Variants in GABRB2 observed in about 807,000 individuals in gnomAD.
GABRB2 encodes gamma-aminobutyric acid receptor subunit beta-2.
GABRB2 carries 16 observed loss-of-function variants against 54.7 expected under a neutral mutation model. The ratio of observed to expected loss-of-function variants is 0.29; its 90% CI spans 0.20 to 0.44. GABRB2 has a LOEUF of 0.44. Ranked by LOEUF, GABRB2 falls within the 20% of genes least tolerant of loss-of-function variation. The probability of loss-of-function intolerance (pLI) is 1.00; values close to 1 mark genes in which losing one functional copy is unlikely to be tolerated. For synonymous variants in GABRB2, 244 were observed against 233.8 expected (o/e 1.04, Z -0.40); for missense variants, 355 against 644.0 (o/e 0.55, Z 4.86).
At chr5:161,522,106 G>T (rs967993237) in intron 3 of GABRB2, among the ~76,000 whole-genome samples, 2 of 151,760 alleles carry the variant, frequency 1.3e-5, no homozygotes, top group Non-Finnish European at 3.0e-5. Context: ...TCAGTAAGAA[G>T]GGTGTCATTT....
At chr5:161,319,761 G>T (rs532988264) in intron 9 of GABRB2, among the ~76,000 whole-genome samples, 7 of 151,830 alleles carry the variant, frequency 4.6e-5, no homozygotes, top group Non-Finnish European at 8.9e-5. Flanking sequence ...GAATTTTCAT[G>T]TCTGATAGAA....
At chr5:161,460,291 T>A (rs1758083628) in intron 3 of GABRB2, among the ~76,000 whole-genome samples, 1 of 152,126 alleles carries the variant, frequency 6.6e-6, no homozygotes, top group African/African-American at 2.4e-5. Flanking sequence ...TGTGTGTGTG[T>A]GTGTGTGTGT....
intron 4 of GABRB2, among the ~76,000 whole-genome samples, chr5:161,442,681 A>G (rs1757501294): frequency 6.6e-6 from 1 of 152,190 alleles, no homozygotes; most frequent in Non-Finnish European, 1.5e-5. Context: ...CAGGTTGCAA[A>G]GAATTCCCAG....
In GABRB2 at chr5:161,546,331, C is replaced by T; in HGVS notation, c.160G>A (p.Asp54Asn). 1 of 1,614,134 alleles carries T rather than the reference C, an allele frequency of 6.2e-7. No homozygotes were observed. Among genetic ancestry groups the T allele is most frequent in the Non-Finnish European group, 8.5e-7 (1 of 1,179,948 alleles). The change falls in exon 2 of 10, where the codon GAT becomes AAT. Residue 54 changes from aspartate (D) to asparagine (N), a missense_variant. Physicochemically the swap from Asp to Asn is conservative, Grantham distance 23. Around this residue, in one of 6 missense-constraint regions of GABRB2, gnomAD observed 42 missense variants for 99.7 expected, o/e 0.42. Transcript: ENST00000393959. ...LKGYDIRLRP[D>N]FGGPPVAVGM... ...AAGGCAACCCCATTACCTCCAAAAT[C>T]TGGTCTCAGACGAATGTCATAGCCT...
At chr5:161,497,535 T>TGTGTGC (rs1278980638) in intron 3 of GABRB2, among the ~76,000 whole-genome samples, 1 of 149,004 alleles carries the variant, frequency 6.7e-6, no homozygotes, top group Non-Finnish European at 1.5e-5. Context: ...TGTATATGTG[T>TGTGTGC]GTGTGTGTGT....
chr5:161,290,700 T>A lies in GABRB2; in HGVS notation c.*3381A>T, dbSNP rs991736024. ...GTAAGACCTATTTTGATGATGTTGCTTTGCCATTTTTCTTGTTGAGTATGA... is the reference window on the plus strand; with the variant it reads ...GTAAGACCTATTTTGATGATGTTGCATTGCCATTTTTCTTGTTGAGTATGA... On this transcript the variant is annotated 3_prime_UTR_variant, in exon 10 of 10. Coordinates refer to ENST00000393959, the MANE Select transcript of GABRB2 (RefSeq NM_001371727.1). The A allele has an allele frequency of 6.6e-6, 1 of 152,604 alleles. No individual in the cohort carries two copies. Among genetic ancestry groups the A allele is most frequent in the African/African-American group, 2.4e-5 (1 of 41,460 alleles). The allele number at this position is 152,604 out of a possible 1,614,324, so 9.5% of individuals were successfully genotyped here.
intron 3 of GABRB2, among the ~76,000 whole-genome samples, chr5:161,464,031 G>A (rs180802694): frequency 9.2e-5 from 14 of 151,886 alleles, no homozygotes; most frequent in African/African-American, 2.9e-4. Context: ...TCTGACTTTC[G>A]CTTCAGCAAA....
chr5:161,509,891 A>G (rs1271333838), intron 3 of GABRB2, among the ~76,000 whole-genome samples: 3 of 151,930 alleles, frequency 2.0e-5, no homozygotes, highest in Non-Finnish European at 4.4e-5. Context: ...TTTCTATAAC[A>G]TTAATCTATA....
chr5:161,475,046 G>C (rs1354901314), intron 3 of GABRB2, among the ~76,000 whole-genome samples: 1 of 151,882 alleles, frequency 6.6e-6, no homozygotes, highest in Non-Finnish European at 1.5e-5. Flanking sequence ...GAGGGAGAGG[G>C]TGCAATGAAA....
At chr5:161,480,069 A>C (rs751895642) in intron 3 of GABRB2, among the ~76,000 whole-genome samples, 8 of 151,948 alleles carry the variant, frequency 5.3e-5, no homozygotes, top group Admixed American at 1.3e-4. Context: ...TGCCACTACC[A>C]CTACCTCACT....
intron 4 of GABRB2, among the ~76,000 whole-genome samples, chr5:161,448,117 C>A (rs1212654050): frequency 6.6e-6 from 1 of 151,996 alleles, no homozygotes; most frequent in African/African-American, 2.4e-5. Context: ...TCTTGAATTA[C>A]AAAGTAAGAA....
chr5:161,408,485 G>T (rs1266330758), intron 5 of GABRB2, among the ~76,000 whole-genome samples: 1 of 151,912 alleles, frequency 6.6e-6, no homozygotes, highest in African/African-American at 2.4e-5. Context: ...ACAATTTAAT[G>T]AACAAATACA....
At chr5:161,489,443 T>C (rs555603182) in intron 3 of GABRB2, among the ~76,000 whole-genome samples, 21 of 151,824 alleles carry the variant, frequency 1.4e-4, no homozygotes, top group African/African-American at 4.1e-4. Flanking sequence ...TACCATCATC[T>C]TTCTTTCTTA....
At chr5:161,383,154 T>C (rs192781645) in intron 5 of GABRB2, among the ~76,000 whole-genome samples, 15 of 152,304 alleles carry the variant, frequency 9.8e-5, no homozygotes, top group Admixed American at 9.2e-4. Flanking sequence ...ATAATTATCA[T>C]AATCAAATTA....
chr5:161,322,367 C>G (rs1561606992), intron 9 of GABRB2, among the ~76,000 whole-genome samples: 1 of 152,128 alleles, frequency 6.6e-6, no homozygotes, highest in African/African-American at 2.4e-5. Context: ...TCCCTTGTAG[C>G]TGGGACTACA....
In GABRB2 at chr5:161,421,074, T is replaced by C. The variant is rs150214797; in HGVS notation, c.459-10017A>G. 3.3e-3 allele frequency among the ~76,000 whole-genome samples: 505 copies of C among 152,320 alleles called. 3 individuals carry two copies. The highest frequency in any genetic ancestry group is 0.011 in the African/African-American group (445 of 41,590). ...TTGGCCACTGCCTCATCCCCAGTTT[T>C]ATTTTCTTCATGATATTTGTCACCA... On this transcript the variant is annotated intron_variant, in intron 4 of 9. Transcript: ENST00000393959.
chr5:161,420,156 G>C (rs975164040), intron 4 of GABRB2, among the ~76,000 whole-genome samples: 1 of 151,598 alleles, frequency 6.6e-6, no homozygotes, highest in Admixed American at 6.6e-5. Flanking sequence ...ATTTTGATTT[G>C]TGACACATCA....
chr5:161,421,356 A>G (rs765806350), intron 4 of GABRB2, among the ~76,000 whole-genome samples: 1 of 152,220 alleles, frequency 6.6e-6, no homozygotes, highest in Non-Finnish European at 1.5e-5. Context: ...CGACCCCCAG[A>G]TAACTGAAAT....
At chr5:161,332,058 C>T (rs898489012) in intron 7 of GABRB2, among the ~76,000 whole-genome samples, 1 of 147,424 alleles carries the variant, frequency 6.8e-6, no homozygotes, top group Non-Finnish European at 1.5e-5. Flanking sequence ...CCCAGCTACT[C>T]GGGAGGCTGA....
Sources: allele counts gnomAD v4.1 joint callset (sites outside exome capture counted in the v4.1 genomes callset), GRCh38; gene constraint gnomAD v4.1.1; regional missense constraint gnomAD v4.1.1; transcripts MANE v1.5; gene names NCBI Gene and HGNC (gene_info 2026-07-23, HGNC 2026-07-21).